The following RAP1GAP variants were observed in gnomAD, a reference collection of about 807,000 sequenced individuals.
RAP1GAP encodes the protein RAP1 GTPase activating protein.
Under a neutral mutation model 87.2 loss-of-function variants are expected in RAP1GAP, and 35 were observed. The ratio of observed to expected loss-of-function variants is 0.40; its 90% CI spans 0.31 to 0.53. The LOEUF (loss-of-function observed/expected upper bound fraction) is 0.53. Ranked by LOEUF, RAP1GAP falls within the 20% of genes least tolerant of loss-of-function variation. The pLI is 0.48. For synonymous variants in RAP1GAP, 375 were observed against 363.9 expected, an observed-to-expected ratio of 1.03 and a Z score of -0.35; for missense variants, 734 against 898.9, an observed-to-expected ratio of 0.82 and a Z score of 2.35.
rs1040328867 is a variant in RAP1GAP, at chr1:21,668,173, A to AG, written c.-149+1080dup. Among the ~76,000 whole-genome samples the AG allele has an allele frequency of 3.9e-5, 6 of 152,134 alleles. No individual in the cohort carries two copies. The highest frequency in any genetic ancestry group is 1.4e-4 in the African/African-American group (6 of 41,408). ...AGGAAGGAGGGACCACTACCTGTGC[A>AG]GGGGGGGCCAGGAGCCTCCTGAGAG... On this transcript the variant is annotated intron_variant, in intron 1 of 24. Coordinates refer to ENST00000374765, the MANE Select transcript of RAP1GAP (RefSeq NM_002885.4). The surrounding 1 kb of genome is among the most constrained non-coding windows in gnomAD (Gnocchi z 6.2).
intron 2 of RAP1GAP, among the ~76,000 whole-genome samples, chr1:21,627,946 C>G (rs2092745948): frequency 6.6e-6 from 1 of 152,168 alleles, no homozygotes; most frequent in Non-Finnish European, 1.5e-5. Context: ...CAGACACTGA[C>G]TGGCTAGGTG....
At position 21,637,048 on chromosome 1, in the gene RAP1GAP, C is replaced by CA. The variant is rs553395803; in HGVS notation, c.-112-10652dup. ...AGGCAGAGTGAGCTTCTCAGAGGTG[C>CA]AGCCAGGGAGATCTGAAGGTGTGGG... On this transcript the variant is annotated intron_variant, in intron 2 of 24. Coordinates refer to ENST00000374765, the MANE Select transcript of RAP1GAP (RefSeq NM_002885.4). Among the ~76,000 whole-genome samples, 377 of 151,642 alleles carry CA rather than the reference C, an allele frequency of 2.5e-3. 3 individuals carry two copies. The highest frequency in any genetic ancestry group is 8.8e-3 in the African/African-American group (362 of 41,302).
At chr1:21,600,202 A>C (rs2067003303) in intron 20 of RAP1GAP, among the ~76,000 whole-genome samples, 1 of 152,002 alleles carries the variant, frequency 6.6e-6, no homozygotes, top group Non-Finnish European at 1.5e-5. Context: ...AGTCCTCTCA[A>C]ATCCCGAAAA....
chr1:21,666,054 G>A (rs539805767), intron 1 of RAP1GAP, among the ~76,000 whole-genome samples: 64 of 152,358 alleles, frequency 4.2e-4, no homozygotes, highest in African/African-American at 1.4e-3. Context: ...GCAGGGCCAG[G>A]CTTGGACAGG....
At chr1:21,621,192 C>T (rs1389622303) in intron 3 of RAP1GAP, among the ~76,000 whole-genome samples, 3 of 152,202 alleles carry the variant, frequency 2.0e-5, no homozygotes, top group Non-Finnish European at 4.4e-5. Flanking sequence ...ACACCACAAA[C>T]CACTCTCGTG....
chr1:21,626,249 T>G, intron 3 of RAP1GAP, 55 bp downstream of exon 3: 2 of 1,418,840 alleles, frequency 1.4e-6, no homozygotes, highest in Non-Finnish European at 2.0e-6. Context: ...GCCCTGGGCA[T>G]GTGTCGGAGG....
chr1:21,661,978 G>A (rs917173457), intron 1 of RAP1GAP, among the ~76,000 whole-genome samples: 9 of 152,202 alleles, frequency 5.9e-5, no homozygotes, highest in African/African-American at 1.2e-4. Context: ...TCCAGACCAC[G>A]CCACTGAAGG....
At chr1:21,656,927 C>T (rs538425725) in intron 1 of RAP1GAP, among the ~76,000 whole-genome samples, 1 of 152,356 alleles carries the variant, frequency 6.6e-6, no homozygotes, top group African/African-American at 2.4e-5. Context: ...TTCATTCCTT[C>T]CCCCATTCAT....
Position 21,634,875 on chromosome 1 carries a change from T to G in RAP1GAP, c.-112-8478A>C, listed in dbSNP as rs2094434393. ...CTTCAGTGTGGACTGACTCCTCCCC[T>G]GCACTGGGGTAAGGAGGAGGAGTGA... is the stretch of plus-strand genomic sequence containing the variant. On this transcript the variant is annotated intron_variant, in intron 2 of 24. Transcript: ENST00000374765. The surrounding 1 kb of genome is among the most constrained non-coding windows in gnomAD (Gnocchi z 4.1). 2 of 232,310 alleles carry G rather than the reference T, an allele frequency of 8.6e-6. No individual in the cohort carries two copies. The highest frequency in any genetic ancestry group is 7.8e-5 in the South Asian group (2 of 25,716). 14.4% of individuals were successfully genotyped at this position (232,310 alleles called of 1,614,324 possible).
chr1:21,648,729 G>A (rs2096301910), intron 2 of RAP1GAP, among the ~76,000 whole-genome samples: 1 of 152,188 alleles, frequency 6.6e-6, no homozygotes, highest in Non-Finnish European at 1.5e-5. Flanking sequence ...CCATCTTGCA[G>A]AAGGAGGGGC....
At chr1:21,628,815 GAGGCAGAGT>G (rs1032342662) in intron 2 of RAP1GAP, among the ~76,000 whole-genome samples, 3 of 152,012 alleles carry the variant, frequency 2.0e-5, no homozygotes, top group Non-Finnish European at 2.9e-5. Flanking sequence ...TTGAACCTGG[GAGGCAGAGT>G]TTGCAGTGAG....
chr1:21,621,748 C>T (rs1425561002), intron 3 of RAP1GAP, among the ~76,000 whole-genome samples: 3 of 152,224 alleles, frequency 2.0e-5, no homozygotes, highest in Non-Finnish European at 4.4e-5. Flanking sequence ...AAGAGTCACA[C>T]TGATGATGGG....
At chr1:21,650,222 C>A (rs1177415007) in intron 1 of RAP1GAP, among the ~76,000 whole-genome samples, 1 of 152,072 alleles carries the variant, frequency 6.6e-6, no homozygotes, top group East Asian at 1.9e-4. Context: ...AAGAACATCA[C>A]CCCCAAGGCC....
In RAP1GAP at chr1:21,598,057, A is replaced by C; in HGVS notation, c.1887T>G (p.Ser629=). 7.0e-7 allele frequency: 1 copy of C among 1,429,246 alleles called. No homozygotes were observed. The allele number at this position is 1,429,246 out of a possible 1,614,324, so 88.5% of individuals were successfully genotyped here. Residue 629 remains serine (S), a synonymous_variant, in exon 23 of 25, where the codon TCT becomes TCG. Coordinates refer to ENST00000374765, the MANE Select transcript of RAP1GAP (RefSeq NM_002885.4). ...TTSGGSSPGP[S]RSPHPDAGKL... Reference sequence around the variant, plus strand: ...TGCCGGCGTCTGGGTGGGGTGATCGAGAGGGGCCTGGGGAGGGGGGCAGGA... The same window carrying C: ...TGCCGGCGTCTGGGTGGGGTGATCGCGAGGGGCCTGGGGAGGGGGGCAGGA...
intron 15 of RAP1GAP, 47 bp from the exon 16 acceptor site, chr1:21,608,983 A>T: frequency 6.6e-7 from 1 of 1,514,198 alleles, no homozygotes; most frequent in Non-Finnish European, 9.2e-7. Context: ...AGTTGAGATG[A>T]CACATAAACA....
chr1:21,636,903 G>GGGAA (rs1338282309), intron 2 of RAP1GAP, among the ~76,000 whole-genome samples: 20 of 129,636 alleles, frequency 1.5e-4, no homozygotes, highest in Non-Finnish European at 1.5e-4. Flanking sequence ...GAAGGAAGGA[G>GGGAA]GGAAGGAAGG....
chr1:21,611,433 G>A lies in RAP1GAP; in HGVS notation c.843+19C>T, dbSNP rs1231429891. On this transcript the variant is annotated intron_variant, in intron 13 of 24. Coordinates refer to ENST00000374765, the MANE Select transcript of RAP1GAP (RefSeq NM_002885.4). ...AGGACAGGTGGAAGACAGGAGGCAG[G>A]TGGGGGTGCCCAGGCTACCTGCTGG... The A allele has an allele frequency of 6.2e-7, 1 of 1,607,454 alleles. No individual in the cohort carries two copies. The highest frequency in any genetic ancestry group is 1.1e-5 in the South Asian group (1 of 90,398).
At chr1:21,651,829 G>T (rs1448610711) in intron 1 of RAP1GAP, 2 of 1,213,546 alleles carry the variant, frequency 1.6e-6, no homozygotes, top group Non-Finnish European at 2.1e-6. Context: ...TCATGGTGCC[G>T]CCGCCGCCGC....
At chr1:21,637,998 A>G (rs568462173) in intron 2 of RAP1GAP, among the ~76,000 whole-genome samples, 1 of 146,506 alleles carries the variant, frequency 6.8e-6, no homozygotes, top group African/African-American at 2.5e-5. Flanking sequence ...AAAAACCACA[A>G]AAATTAGCCG....
Sources: allele counts gnomAD v4.1 joint callset (sites outside exome capture counted in the v4.1 genomes callset), GRCh38; gene constraint gnomAD v4.1.1; non-coding constraint Gnocchi (gnomAD v3.1); transcripts MANE v1.5; gene names NCBI Gene and HGNC (gene_info 2026-07-23, HGNC 2026-07-21).